Variants in LRP2 observed in about 807,000 individuals in gnomAD.
LRP2 encodes the protein low-density lipoprotein receptor-related protein 2.
A neutral mutation model predicts 531.0 loss-of-function variants in LRP2; 172 were observed. The observed-to-expected ratio is 0.32, with a 90% CI of 0.29 to 0.37. The LOEUF (loss-of-function observed/expected upper bound fraction) is 0.37, where lower values mean the gene tolerates loss of function less well. Among genes scored for constraint, LRP2 ranks in the 10% least tolerant of loss-of-function variants. The pLI is 1.00. For missense variants in LRP2, 5,167 were observed against 5,868.3 expected, an observed-to-expected ratio of 0.88 and a Z score of 3.90; for synonymous variants, 1,992 against 2,027.6, an observed-to-expected ratio of 0.98 and a Z score of 0.47.
At position 169,141,491 on chromosome 2, in the gene LRP2, C is replaced by T. The variant is rs141715000; in HGVS notation, c.13109-946G>A. Among the ~76,000 whole-genome samples, 616 of 152,336 alleles carry T rather than the reference C, an allele frequency of 4.0e-3. 1 individual carries two copies. Among genetic ancestry groups the T allele is most frequent in the Non-Finnish European group, 6.8e-3 (461 of 68,022 alleles). On this transcript the variant is annotated intron_variant, in intron 71 of 78. Coordinates refer to ENST00000649046, the MANE Select transcript of LRP2 (RefSeq NM_004525.3). ...AGAACAGTGCCTGGCACATAGCTGG[C>T]ACTCAAGAAATCTCACTGGACTAAT...
intron 47 of LRP2, among the ~76,000 whole-genome samples, chr2:169,192,594 G>C (rs1218178990): frequency 6.6e-6 from 1 of 152,148 alleles, no homozygotes; most frequent in African/African-American, 2.4e-5. Flanking sequence ...AGCAATATTG[G>C]GGTGGAGAGG....
chr2:169,214,208 T>C (rs576477365), intron 35 of LRP2, among the ~76,000 whole-genome samples: 1 of 152,230 alleles, frequency 6.6e-6, no homozygotes, highest in Admixed American at 6.5e-5. Context: ...GCGTGGGCCA[T>C]TGCACAGGAG....
chr2:169,358,456 A>G (rs1686050820), intron 1 of LRP2, among the ~76,000 whole-genome samples: 1 of 152,206 alleles, frequency 6.6e-6, no homozygotes, highest in African/African-American at 2.4e-5. Flanking sequence ...GACTGAAGGG[A>G]GTTCAGGCAG....
At chr2:169,305,098 A>T (rs750610922) in intron 4 of LRP2, among the ~76,000 whole-genome samples, 1 of 152,156 alleles carries the variant, frequency 6.6e-6, no homozygotes, top group Non-Finnish European at 1.5e-5. Flanking sequence ...GATAAATAAG[A>T]ATATTTCAGA....
intron 12 of LRP2, 115 bp downstream of exon 12, chr2:169,279,257 T>C (rs920534797): frequency 1.8e-5 from 14 of 787,994 alleles, no homozygotes; most frequent in Admixed American, 2.0e-5. Flanking sequence ...TTCTAGAGTA[T>C]ACAGCCTAAA....
Position 169,362,501 on chromosome 2 carries a change from T to C in LRP2, c.-102A>G, listed in dbSNP as rs527775454. On this transcript the variant is annotated 5_prime_UTR_variant, in exon 1 of 79. Transcript: ENST00000649046. Reference sequence around the variant, plus strand: ...CTGCTAGCGAACGCTCCTTTAGGTCTGCACCTCCGCCAGCTCCTAGTGGCC... The same window carrying C: ...CTGCTAGCGAACGCTCCTTTAGGTCCGCACCTCCGCCAGCTCCTAGTGGCC... 2.1e-5 allele frequency: 22 copies of C among 1,032,858 alleles called. No individual in the cohort carries two copies. The East Asian group carries it at 5.5e-4, about 26-fold the overall frequency. The allele number at this position is 1,032,858 out of a possible 1,614,324, so 64.0% of individuals were successfully genotyped here.
At chr2:169,147,803 A>G (rs193051180) in intron 68 of LRP2, among the ~76,000 whole-genome samples, 1 of 152,210 alleles carries the variant, frequency 6.6e-6, no homozygotes, top group Admixed American at 6.5e-5. Flanking sequence ...AGTGATGCGG[A>G]GAGCAAGACC....
intron 68 of LRP2, among the ~76,000 whole-genome samples, chr2:169,147,325 C>CT (rs748266189): frequency 3.9e-5 from 6 of 152,256 alleles, no homozygotes; most frequent in Non-Finnish European, 7.4e-5. Context: ...GAGAACAAAA[C>CT]ATACAAAGAT....
rs1397406205 is a variant in LRP2, at chr2:169,243,469, T to C, written c.3484A>G (p.Ile1162Val). Residue 1162 changes from isoleucine (I) to valine (V), a missense_variant, in exon 23 of 79, where the codon ATT (isoleucine) becomes GTT (valine). Physicochemically the swap from Ile to Val is conservative, Grantham distance 29. This residue lies in a region of LRP2 where 2,811 missense variants were observed against 3,058.0 expected (regional missense o/e 0.92). Transcript: ENST00000649046. ...CCATCACAGACAAACGATAGGTCAA[T>C]ACATCGATGATTGGGGCAATTAAAC... The part of the protein sequence containing the change: ...SQFNCPNHRC[I>V]DLSFVCDGDK... The C allele has an allele frequency of 2.5e-6, 4 of 1,614,006 alleles. No homozygotes were observed. In the African/African-American group the frequency reaches 4.0e-5, roughly 16 times the overall value.
intron 52 of LRP2, 26 bp from the exon 53 acceptor site, chr2:169,178,052 T>C (rs746603741): frequency 8.4e-6 from 13 of 1,540,398 alleles, no homozygotes; most frequent in East Asian, 2.3e-5. Flanking sequence ...GAAACAGTTA[T>C]GTGATAAAGG....
chr2:169,279,350 A>T, intron 12 of LRP2, 22 bp downstream of exon 12: 1 of 1,551,236 alleles, frequency 6.4e-7, no homozygotes, highest in South Asian at 1.1e-5. Flanking sequence ...TACAGGAATC[A>T]ATATGTTTTC....
chr2:169,234,667 AT>A (rs1202346796), intron 29 of LRP2, among the ~76,000 whole-genome samples: 4 of 152,122 alleles, frequency 2.6e-5, no homozygotes, highest in African/African-American at 7.2e-5. Flanking sequence ...GTCAAATGGT[AT>A]TTCTGGTTCT....
rs943712943 is a variant in LRP2, at chr2:169,195,096, G to A, written c.8699-1204C>T. On this transcript the variant is annotated intron_variant, in intron 46 of 78. Transcript: ENST00000649046. ...AGACCATAAGGATCTTTCCACATGT[G>A]CACAAAGGATGTTCACCCTGACACT... 2.8e-4 allele frequency among the ~76,000 whole-genome samples: 43 copies of A among 152,208 alleles called. 1 individual carries two copies. Among genetic ancestry groups the A allele is most frequent in the Non-Finnish European group, 3.2e-4 (22 of 68,028 alleles).
chr2:169,206,757 G>T lies in LRP2; in HGVS notation c.6963C>A (p.Asn2321Lys), dbSNP rs1359108541. Residue 2321 changes from asparagine (N) to lysine (K), a missense_variant, in exon 39 of 79, where the codon AAC (asparagine) becomes AAA (lysine). This residue lies in a region of LRP2 where 2,811 missense variants were observed against 3,058.0 expected (regional missense o/e 0.92). Coordinates refer to ENST00000649046, the MANE Select transcript of LRP2 (RefSeq NM_004525.3). ...CAAAGATGGTCACATCTCTTAGCCA[G>T]TTGATATTGTCTCTTATCACTGTGG... Reference protein sequence around the residue: ...EPPTVIRDNINWLRDVTIFDK... With the variant: ...EPPTVIRDNIKWLRDVTIFDK... 1.9e-6 allele frequency: 3 copies of T among 1,614,056 alleles called. No individual in the cohort carries two copies. The highest frequency in any genetic ancestry group is 2.7e-5 in the African/African-American group (2 of 74,932).
rs1423552429 is a variant in LRP2 at position 169,206,538 on chromosome 2, C to G, written c.7182G>C (p.Leu2394Phe). 4.3e-6 allele frequency: 7 copies of G among 1,614,048 alleles called. No homozygotes were observed. The Admixed American group carries it at 1.0e-4, about 23-fold the overall frequency. ...AGTGTAAGCTTCTCAAGGAATTAGA[C>G]AAGGCAAAGATGAGGAAATTTTCTG... ...ISTENFLIFA[L>F]SNSLRSLHLD... is the part of the protein sequence containing the mutation. The change falls in exon 39 of 79, where the codon TTG becomes TTC. Residue 2394 changes from leucine to phenylalanine, a missense_variant. By Grantham distance (22) the Leu-to-Phe change is conservative. Around this residue, in one of 6 missense-constraint regions of LRP2, gnomAD observed 2,811 missense variants for 3,058.0 expected, o/e 0.92. Transcript: ENST00000649046.
chr2:169,148,597 C>T (rs947009686), intron 68 of LRP2, among the ~76,000 whole-genome samples: 7 of 152,006 alleles, frequency 4.6e-5, no homozygotes, highest in Admixed American at 4.6e-4. Context: ...CACTGCACTC[C>T]AGTCTGGGTG....
At chr2:169,150,563 A>T (rs1462817103) in intron 68 of LRP2, among the ~76,000 whole-genome samples, 1 of 152,236 alleles carries the variant, frequency 6.6e-6, no homozygotes, top group Non-Finnish European at 1.5e-5. Flanking sequence ...ACTTTAAAAC[A>T]TCCAAATGAA....
chr2:169,290,655 T>C (rs1459066762), intron 8 of LRP2, among the ~76,000 whole-genome samples, 190 bp downstream of exon 8: 2 of 152,154 alleles, frequency 1.3e-5, no homozygotes, highest in South Asian at 2.1e-4. Context: ...AGTGAGCTGA[T>C]ACAGGCCAGA....
At chr2:169,165,798 CA>C in intron 62 of LRP2, 133 bp downstream of exon 62, 4 of 1,088,168 alleles carry the variant, frequency 3.7e-6, no homozygotes, top group Non-Finnish European at 5.6e-6. Flanking sequence ...GTCTTGTAAA[CA>C]ATTATGTCAG....
Sources: gnomAD v4.1 joint callset for allele counts (sites outside exome capture counted in the v4.1 genomes callset) on GRCh38, gnomAD v4.1.1 for gene constraint, gnomAD v4.1.1 regional missense constraint, MANE v1.5 for transcripts, NCBI Gene and HGNC (gene_info 2026-07-23, HGNC 2026-07-21) for gene names.